ANXA8: variants seen among roughly 807,000 people sequenced by gnomAD.
The protein encoded by ANXA8 is VAC-beta.
A neutral mutation model predicts 26.8 loss-of-function variants in ANXA8; 9 were observed. The observed-to-expected ratio is 0.34, with a 90% CI of 0.20 to 0.59. ANXA8 has a LOEUF of 0.59. Among genes scored for constraint, ANXA8 ranks in the 20% least tolerant of loss-of-function variants. The pLI is 0.84. For missense variants in ANXA8, 83 were observed against 238.5 expected, an observed-to-expected ratio of 0.35 and a Z score of 4.29; for synonymous variants, 39 against 94.8, an observed-to-expected ratio of 0.41 and a Z score of 3.42.
At chr10:47,937,022 C>T in the ANXA8 span, among the ~76,000 whole-genome samples, 9 of 150,054 alleles carry the variant, frequency 6.0e-5, no homozygotes, top group South Asian at 8.4e-4. Flanking sequence ...TAAAGGGAGG[C>T]GGAGTTCTGA....
chr10:47,955,660 GC>G, the ANXA8 span, among the ~76,000 whole-genome samples: 2 of 146,444 alleles, frequency 1.4e-5, no homozygotes, highest in African/African-American at 5.2e-5. Context: ...CATGAATGAA[GC>G]TTGCAGGTCT....
chr10:47,668,600 TTTTA>T, the ANXA8 span, among the ~76,000 whole-genome samples: 30 of 151,784 alleles, frequency 2.0e-4, no homozygotes, highest in African/African-American at 6.1e-4. Flanking sequence ...ATAAAATTCC[TTTTA>T]TTTATTTATT....
At chr10:47,596,062 C>G in the ANXA8 span, among the ~76,000 whole-genome samples, 42 of 137,570 alleles carry the variant, frequency 3.1e-4, 3 homozygotes, top group African/African-American at 1.3e-3. Context: ...TATCAAGCAT[C>G]TTCTTGGACC....
At chr10:47,556,256 C>T in the ANXA8 span, among the ~76,000 whole-genome samples, 2 of 152,016 alleles carry the variant, frequency 1.3e-5, no homozygotes, top group South Asian at 4.1e-4. Flanking sequence ...TCGCCTCCCC[C>T]TCCCTAGGAT....
the ANXA8 span, among the ~76,000 whole-genome samples, chr10:47,583,881 G>A: frequency 2.2e-5 from 3 of 136,404 alleles, no homozygotes; most frequent in Non-Finnish European, 4.6e-5. Flanking sequence ...CCCAATTAAG[G>A]GTGTAGAAGA....
chr10:47,533,220 CACA>C, the ANXA8 span, among the ~76,000 whole-genome samples: 9 of 141,698 alleles, frequency 6.4e-5, no homozygotes, highest in African/African-American at 2.4e-4. Context: ...CACACACACA[CACA>C]CCCCCGCAGA....
chr10:47,718,298 C>T, the ANXA8 span, among the ~76,000 whole-genome samples: 2 of 132,086 alleles, frequency 1.5e-5, no homozygotes, highest in African/African-American at 5.8e-5. Context: ...TGGCAAATCC[C>T]CATCTCCACA....
chr10:47,953,025 AC>A, the ANXA8 span, among the ~76,000 whole-genome samples: 1 of 149,888 alleles, frequency 6.7e-6, no homozygotes, highest in Non-Finnish European at 1.5e-5. Context: ...CTAGAGAAAA[AC>A]ATAAGAGAAA....
the ANXA8 span, among the ~76,000 whole-genome samples, chr10:47,548,598 G>C: frequency 2.8e-5 from 4 of 144,680 alleles, no homozygotes; most frequent in Non-Finnish European, 6.1e-5. Context: ...ACTGTGTCTG[G>C]CCTTTTTTTC....
chr10:47,599,266 A>G, the ANXA8 span, among the ~76,000 whole-genome samples: 3 of 140,136 alleles, frequency 2.1e-5, no homozygotes, highest in East Asian at 2.0e-4. Flanking sequence ...CACACGTGCC[A>G]TAGACAATAA....
At chr10:47,667,648 G>A in the ANXA8 span, among the ~76,000 whole-genome samples, 1 of 151,750 alleles carries the variant, frequency 6.6e-6, no homozygotes, top group East Asian at 1.9e-4. Flanking sequence ...CGCCTCCTGG[G>A]TTCAGGTGAT....
intron 8 of ANXA8, 63 bp from the exon 9 acceptor site, chr10:47,474,128 G>A: frequency 3.9e-6 from 2 of 516,316 alleles, no homozygotes; most frequent in East Asian, 1.6e-4. Flanking sequence ...CAGTGTCTCG[G>A]ATCAGAGATC....
chr10:47,720,223 C>G, the ANXA8 span, among the ~76,000 whole-genome samples: 63 of 145,598 alleles, frequency 4.3e-4, 2 homozygotes, highest in African/African-American at 1.1e-3. Context: ...GCAAAAATTA[C>G]CCAGGAATCG....
chr10:47,666,713 A>AT, the ANXA8 span, among the ~76,000 whole-genome samples: 3 of 151,596 alleles, frequency 2.0e-5, no homozygotes, highest in Non-Finnish European at 2.9e-5. Flanking sequence ...TTTAATCTTA[A>AT]TTTTTTTTCC....
upstream of ANXA8, among the ~76,000 whole-genome samples, chr10:47,486,211 T>G (rs1361377966): frequency 1.3e-5 from 2 of 151,628 alleles, no homozygotes; most frequent in Non-Finnish European, 2.9e-5. Flanking sequence ...TTATCTGATC[T>G]CTGCGAGAAC....
chr10:47,649,478 G>T, the ANXA8 span, among the ~76,000 whole-genome samples: 1 of 150,978 alleles, frequency 6.6e-6, no homozygotes, highest in Non-Finnish European at 1.5e-5. Context: ...GTGCCATCTT[G>T]GTTCACTGCA....
chr10:47,749,721 A>G, the ANXA8 span, among the ~76,000 whole-genome samples: 2 of 151,102 alleles, frequency 1.3e-5, no homozygotes, highest in African/African-American at 2.4e-5. Context: ...GCAACAGAAA[A>G]GAAAAAATAA....
chr10:47,595,794 C>T, the ANXA8 span, among the ~76,000 whole-genome samples: 2 of 148,386 alleles, frequency 1.3e-5, 1 homozygote, highest in African/African-American at 5.2e-5. Context: ...AAGAGGTAGA[C>T]AGCCCCTCAG....
the ANXA8 span, among the ~76,000 whole-genome samples, chr10:47,520,951 A>G: frequency 8.2e-6 from 1 of 122,288 alleles, no homozygotes; most frequent in Non-Finnish European, 1.6e-5. Context: ...AAGACAGTCT[A>G]TTTTATAGGC....
Sources: gnomAD v4.1 joint callset for allele counts (sites outside exome capture counted in the v4.1 genomes callset) on GRCh38, gnomAD v4.1.1 for gene constraint, MANE v1.5 for transcripts, NCBI Gene and HGNC (gene_info 2026-07-23, HGNC 2026-07-21) for gene names.